The following SLC31A1 variants were observed in gnomAD, a reference collection of about 807,000 sequenced individuals.
SLC31A1 encodes high affinity copper uptake protein 1.
In SLC31A1, 5 loss-of-function variants were observed where a neutral mutation model predicts 17.2. The observed-to-expected ratio is 0.29, with a 90% confidence interval of 0.15 to 0.61. The LOEUF is 0.61. Ranked by LOEUF, SLC31A1 falls within the 20% of genes least tolerant of loss-of-function variation. The pLI, the probability that SLC31A1 is intolerant of heterozygous loss-of-function variation, is 0.86. For missense variants in SLC31A1, 161 were observed against 241.4 expected (o/e 0.67, Z 2.21); for synonymous variants, 76 against 78.8 (o/e 0.96, Z 0.19).
intron 1 of SLC31A1, among the ~76,000 whole-genome samples, chr9:113,241,492 G>T (rs929076455): frequency 6.6e-6 from 1 of 152,180 alleles, no homozygotes; most frequent in Non-Finnish European, 1.5e-5. Flanking sequence ...CAAGTCCCCA[G>T]AGGTATTTGA....
intron 4 of SLC31A1, among the ~76,000 whole-genome samples, chr9:113,259,786 A>G (rs754843933): frequency 1.3e-5 from 2 of 151,776 alleles, no homozygotes; most frequent in Non-Finnish European, 2.9e-5. Context: ...AGGTTTCGCC[A>G]TGTTGCCCAG....
chr9:113,261,549 CTT>C lies in SLC31A1; in HGVS notation c.*1078_*1079del. 1 of 152,752 alleles carries C rather than the reference CTT, an allele frequency of 6.5e-6. No homozygotes were observed. The highest frequency in any genetic ancestry group is 2.1e-4 in the South Asian group (1 of 4,828). The allele number at this position is 152,752 out of a possible 1,614,324, so 9.5% of individuals were successfully genotyped here. A position where few individuals can be genotyped will look rare whatever the true frequency, so the allele number is the denominator to read the frequency against. On this transcript the variant is annotated 3_prime_UTR_variant, in exon 5 of 5. Transcript: ENST00000374212. ...TTTAAATAAAACCATTCACAGTTTACTTTGTCTTGATACCTTGGTTTGTCCCA... is the reference window on the plus strand; with the variant it reads ...TTTAAATAAAACCATTCACAGTTTACTGTCTTGATACCTTGGTTTGTCCCA...
At chr9:113,249,197 G>A (rs941945010) in intron 1 of SLC31A1, among the ~76,000 whole-genome samples, 16 of 149,766 alleles carry the variant, frequency 1.1e-4, no homozygotes, top group African/African-American at 3.4e-4. Flanking sequence ...CTGTCACTCC[G>A]TTATTCTAAT....
intron 3 of SLC31A1, among the ~76,000 whole-genome samples, chr9:113,257,561 C>A (rs1831742951): frequency 6.9e-6 from 1 of 144,772 alleles, no homozygotes; most frequent in Admixed American, 7.1e-5. Context: ...TCTTGGCTCA[C>A]TGCAATCTCT....
intron 1 of SLC31A1, among the ~76,000 whole-genome samples, chr9:113,246,032 T>C (rs1426679380): frequency 6.6e-6 from 1 of 152,104 alleles, no homozygotes; most frequent in Non-Finnish European, 1.5e-5. Flanking sequence ...TGGGATTTAT[T>C]GAGCCATCAT....
At chr9:113,233,247 C>T (rs534998375) in intron 1 of SLC31A1, among the ~76,000 whole-genome samples, 2 of 152,162 alleles carry the variant, frequency 1.3e-5, no homozygotes, top group African/African-American at 2.4e-5. Context: ...ACAGTTTTAC[C>T]GGTTAGAGAA....
intron 1 of SLC31A1, 38 bp from the exon 2 acceptor site, chr9:113,256,076 A>T: frequency 7.1e-7 from 1 of 1,403,086 alleles, no homozygotes; most frequent in Admixed American, 2.1e-5. Flanking sequence ...AGATTTTTAT[A>T]TCCTTAAATT....
At chr9:113,257,240 C>A in intron 3 of SLC31A1, 55 bp downstream of exon 3, 1 of 1,462,304 alleles carries the variant, frequency 6.8e-7, no homozygotes, top group Non-Finnish European at 9.6e-7. Context: ...GAGACAGTGA[C>A]AAATAATTTG....
chr9:113,240,689 G>GA (rs915977198), intron 1 of SLC31A1, among the ~76,000 whole-genome samples: 4 of 151,692 alleles, frequency 2.6e-5, no homozygotes, highest in African/African-American at 9.7e-5. Context: ...AAAATGAGGG[G>GA]AAAAAATAAA....
chr9:113,229,974 A>C (rs1443581650), intron 1 of SLC31A1, among the ~76,000 whole-genome samples: 1 of 152,204 alleles, frequency 6.6e-6, no homozygotes, highest in Non-Finnish European at 1.5e-5. Context: ...TTATAAACTC[A>C]GAACAAAAGG....
Position 113,260,863 on chromosome 9 carries a change from T to C in SLC31A1, c.*390T>C, listed in dbSNP as rs1024144739. The C allele has an allele frequency of 3.5e-5, 11 of 317,010 alleles. No homozygotes were observed. Among genetic ancestry groups the C allele is most frequent in the Non-Finnish European group, 6.8e-5 (11 of 162,334 alleles). The allele number at this position is 317,010 out of a possible 1,614,324, so 19.6% of individuals were successfully genotyped here. On this transcript the variant is annotated 3_prime_UTR_variant, in exon 5 of 5. Transcript: ENST00000374212. The stretch of plus-strand genomic sequence containing the variant: ...ATAGTAAGTAAATTTGGTGGTTTTT[T>C]CCCCTGGGTCAGTGATGGAAAGGGG...
chr9:113,229,379 C>T (rs1341668104), intron 1 of SLC31A1, among the ~76,000 whole-genome samples: 3 of 152,154 alleles, frequency 2.0e-5, no homozygotes, highest in South Asian at 4.2e-4. Context: ...ACTCTGTTTC[C>T]TTTTTAAGTT....
intron 1 of SLC31A1, among the ~76,000 whole-genome samples, chr9:113,222,273 G>C (rs1831287720): frequency 6.6e-6 from 1 of 152,110 alleles, no homozygotes; most frequent in Non-Finnish European, 1.5e-5. Context: ...ATATTCTGGC[G>C]GTGGGTGATG....
chr9:113,256,447 C>A, intron 2 of SLC31A1, 170 bp downstream of exon 2: 2 of 668,156 alleles, frequency 3.0e-6, no homozygotes, highest in East Asian at 3.0e-5. Flanking sequence ...ATGTGGCAAG[C>A]TACTTACAGA....
intron 1 of SLC31A1, among the ~76,000 whole-genome samples, chr9:113,225,160 C>T (rs1831327323): frequency 6.6e-6 from 1 of 152,154 alleles, no homozygotes; most frequent in Admixed American, 6.5e-5. Context: ...AGAGGGGGAA[C>T]CAGAAGTGTT....
rs10513202 is a variant in SLC31A1 at position 113,262,679 on chromosome 9, A to G, written c.*2206A>G. 20,230 of 152,650 alleles carry G rather than the reference A, an allele frequency of 0.13. 1,489 individuals carry two copies. The highest frequency in any genetic ancestry group is 0.19 in the African/African-American group (7,694 of 41,520). 9.5% of individuals were successfully genotyped at this position (152,650 alleles called of 1,614,324 possible). On this transcript the variant is annotated 3_prime_UTR_variant, in exon 5 of 5. Transcript: ENST00000374212. The stretch of plus-strand genomic sequence containing the variant: ...TCACTTTGTAATGATGATACTTAAC[A>G]TGAGCAGGGTGAATGACAGGTACTG...
chr9:113,247,233 T>A (rs117911616), intron 1 of SLC31A1, among the ~76,000 whole-genome samples: 2,314 of 152,326 alleles, frequency 0.015, 18 homozygotes, highest in Non-Finnish European at 0.025. Context: ...TTTAATGTTT[T>A]CACAAATCTA....
chr9:113,236,541 T>G (rs886960643), intron 1 of SLC31A1, among the ~76,000 whole-genome samples: 8 of 151,774 alleles, frequency 5.3e-5, no homozygotes, highest in African/African-American at 1.9e-4. Flanking sequence ...TTTTTGTATT[T>G]TTAGTAGAGA....
At position 113,261,524 on chromosome 9, in the gene SLC31A1, T is replaced by C. The variant is rs1313810380; in HGVS notation, c.*1051T>C. The stretch of plus-strand genomic sequence containing the variant: ...ATTTGAGAAAATAGAAATAGATATT[T>C]TTAAATAAAACCATTCACAGTTTAC... On this transcript the variant is annotated 3_prime_UTR_variant, in exon 5 of 5. Coordinates refer to ENST00000374212, the MANE Select transcript of SLC31A1 (RefSeq NM_001859.4). The C allele has an allele frequency of 6.5e-6, 1 of 152,682 alleles. No homozygotes were observed. The highest frequency in any genetic ancestry group is 2.4e-5 in the African/African-American group (1 of 41,468). 9.5% of individuals were successfully genotyped at this position (152,682 alleles called of 1,614,324 possible). A position where few individuals can be genotyped will look rare whatever the true frequency, so the allele number is the denominator to read the frequency against.
Sources: gnomAD v4.1 joint callset for allele counts (sites outside exome capture counted in the v4.1 genomes callset) on GRCh38, gnomAD v4.1.1 for gene constraint, MANE v1.5 for transcripts, NCBI Gene and HGNC (gene_info 2026-07-23, HGNC 2026-07-21) for gene names.